Variants in MSH3 observed in about 807,000 individuals in gnomAD.
MSH3 encodes the protein mutS homolog 3, also known as DNA mismatch repair protein Msh3.
MSH3 carries 106 observed loss-of-function variants against 123.3 expected under a neutral mutation model. The observed-to-expected ratio is 0.86, with a 90% CI of 0.73 to 1.01. MSH3 has a LOEUF of 1.01. Ranked by LOEUF, MSH3 falls within the 50% of genes least tolerant of loss-of-function variation. The pLI, the probability that MSH3 is intolerant of heterozygous loss-of-function variation, is 0.00. For synonymous variants in MSH3, 515 were observed against 481.4 expected, an observed-to-expected ratio of 1.07 and a Z score of -0.91; for missense variants, 1,459 against 1,347.6, an observed-to-expected ratio of 1.08 and a Z score of -1.29.
At chr5:80,696,821 G>A (rs1208662439) in intron 8 of MSH3, among the ~76,000 whole-genome samples, 2 of 151,998 alleles carry the variant, frequency 1.3e-5, no homozygotes, top group East Asian at 3.9e-4. Flanking sequence ...AATAAAATTT[G>A]GACTTAGATT....
chr5:80,784,781 C>T (rs1187407603), intron 17 of MSH3, among the ~76,000 whole-genome samples: 1 of 152,138 alleles, frequency 6.6e-6, no homozygotes, highest in Non-Finnish European at 1.5e-5. Context: ...CAGATTCTAA[C>T]ACTGTTGGTG....
intron 2 of MSH3, 123 bp downstream of exon 2, chr5:80,656,654 TC>T: frequency 7.3e-7 from 1 of 1,378,082 alleles, no homozygotes; most frequent in Non-Finnish European, 1.0e-6. Context: ...TCCCTTTTGT[TC>T]CTGAGCAGAG....
At chr5:80,858,274 C>T (rs566709812) in intron 21 of MSH3, among the ~76,000 whole-genome samples, 153 of 152,248 alleles carry the variant, frequency 1.0e-3, no homozygotes, top group African/African-American at 3.6e-3. Flanking sequence ...GTCTCGTATT[C>T]TTGGACTCCA....
intron 21 of MSH3, among the ~76,000 whole-genome samples, chr5:80,855,137 C>G (rs908399449): frequency 6.6e-6 from 1 of 151,964 alleles, no homozygotes; most frequent in Non-Finnish European, 1.5e-5. Context: ...CCATCTAACT[C>G]TCTCCTTTAG....
At chr5:80,792,057 C>T (rs40592) in intron 18 of MSH3, among the ~76,000 whole-genome samples, 27,410 of 152,044 alleles carry the variant, frequency 0.18, 3,269 homozygotes, top group Non-Finnish European at 0.27. Flanking sequence ...AATTGAACAG[C>T]GTATGAAAAT....
intron 8 of MSH3, among the ~76,000 whole-genome samples, chr5:80,683,801 A>G (rs1750023144): frequency 6.6e-6 from 1 of 152,166 alleles, no homozygotes; most frequent in South Asian, 2.1e-4. Flanking sequence ...GTTTTATTTT[A>G]GTCATTTCAT....
chr5:80,704,538 G>C (rs541247260), intron 8 of MSH3, among the ~76,000 whole-genome samples: 1 of 152,158 alleles, frequency 6.6e-6, no homozygotes, highest in Non-Finnish European at 1.5e-5. Flanking sequence ...TTTCAGAGGT[G>C]CTAGGCTGTG....
At chr5:80,810,170 T>TAC (rs1744980786) in intron 19 of MSH3, among the ~76,000 whole-genome samples, 1 of 92,476 alleles carries the variant, frequency 1.1e-5, no homozygotes, top group South Asian at 3.7e-4. Context: ...TTGTTTGACA[T>TAC]ACATATATAT....
chr5:80,741,284 A>C (rs1057174698), intron 10 of MSH3, among the ~76,000 whole-genome samples, 180 bp from the exon 11 acceptor site: 11 of 152,010 alleles, frequency 7.2e-5, no homozygotes, highest in African/African-American at 2.7e-4. Context: ...TCTACTTAAC[A>C]GCACCAGCGT....
At chr5:80,816,109 C>T (rs1211399028) in intron 20 of MSH3, among the ~76,000 whole-genome samples, 1 of 152,130 alleles carries the variant, frequency 6.6e-6, no homozygotes, top group Non-Finnish European at 1.5e-5. Flanking sequence ...CCAACATGTA[C>T]TAAGTGAATA....
Position 80,670,176 on chromosome 5 carries a change from C to G in MSH3, c.659C>G (p.Ser220Ter), listed in dbSNP as rs768842380. The G allele has an allele frequency of 2.5e-6, 4 of 1,614,132 alleles. No homozygotes were observed. In the South Asian group the frequency reaches 4.4e-5, roughly 18 times the overall value. ...AATTTACAGAAAACTGCTTCCAAAT[C>G]AGCTAACAAACGGTCCAAAAGCATC... ...HENLQKTASK[S>*]ANKRSKSIYT... The change falls in exon 4 of 24, where the codon TCA becomes TGA. Residue 220 changes from serine to a stop codon, truncating the protein, a stop_gained. Transcript: ENST00000265081. LOFTEE classifies it high-confidence loss of function.
chr5:80,814,513 C>A (rs1316687154), intron 20 of MSH3, among the ~76,000 whole-genome samples: 1 of 152,202 alleles, frequency 6.6e-6, no homozygotes, highest in African/African-American at 2.4e-5. Context: ...CCAAGTGAGC[C>A]GCCCGCCTTG....
In MSH3 at chr5:80,664,981, C is replaced by G. The variant is rs151008267; in HGVS notation, c.359-162C>G. 2.6e-4 allele frequency among the ~76,000 whole-genome samples: 40 copies of G among 152,244 alleles called. No homozygotes were observed. The East Asian group carries it at 7.5e-3, about 29-fold the overall frequency. ...CTGTGTTTAATATGCCATCTTTACC[C>G]TGAACCCAGTGTTTCTTTCTTTTTT... On this transcript the variant is annotated intron_variant, in intron 2 of 23. Transcript: ENST00000265081.
intron 23 of MSH3, among the ~76,000 whole-genome samples, chr5:80,873,988 T>A (rs780742301): frequency 1.3e-5 from 2 of 152,254 alleles, no homozygotes; most frequent in East Asian, 1.9e-4. Flanking sequence ...CCCATCCACC[T>A]ACTGCCCCAC....
At chr5:80,836,543 CAAAAA>C (rs71603568) in intron 20 of MSH3, among the ~76,000 whole-genome samples, 11,996 of 118,754 alleles carry the variant, frequency 0.1, 495 homozygotes, top group South Asian at 0.16. Flanking sequence ...GAATATGCCA[CAAAAA>C]AAAAAAAAAA....
chr5:80,766,749 ATTCATG>A (rs1366333900), intron 13 of MSH3, among the ~76,000 whole-genome samples: 6 of 152,020 alleles, frequency 3.9e-5, no homozygotes, highest in African/African-American at 1.2e-4. Context: ...TATAAAAATT[ATTCATG>A]TTCATGTTAA....
At chr5:80,783,432 C>A (rs186683424) in intron 17 of MSH3, among the ~76,000 whole-genome samples, 119 of 152,110 alleles carry the variant, frequency 7.8e-4, no homozygotes, top group Middle Eastern at 6.8e-3. Flanking sequence ...GTCAAACAAG[C>A]CTTCTTTAAG....
chr5:80,656,365 T>A (rs1200379760), intron 1 of MSH3, 46 bp from the exon 2 acceptor site: 1 of 1,612,524 alleles, frequency 6.2e-7, no homozygotes, highest in East Asian at 2.2e-5. Flanking sequence ...CGTCAGGCCT[T>A]CTCAGAGTAG....
chr5:80,732,622 T>G (rs1274931962), intron 10 of MSH3, among the ~76,000 whole-genome samples: 1 of 152,142 alleles, frequency 6.6e-6, no homozygotes, highest in Non-Finnish European at 1.5e-5. Context: ...CAGTATCTTT[T>G]GATTATAGGC....
Sources: gnomAD v4.1 joint callset for allele counts (sites outside exome capture counted in the v4.1 genomes callset) on GRCh38, gnomAD v4.1.1 for gene constraint, MANE v1.5 for transcripts, NCBI Gene and HGNC (gene_info 2026-07-23, HGNC 2026-07-21) for gene names.